Variants in SLC6A3 observed in about 807,000 individuals in gnomAD.
SLC6A3 encodes the protein sodium-dependent dopamine transporter.
Under a neutral mutation model 70.4 loss-of-function variants are expected in SLC6A3, and 19 were observed. The ratio of observed to expected loss-of-function variants is 0.27; its 90% CI spans 0.19 to 0.40. The LOEUF is 0.40. Ranked by LOEUF, SLC6A3 falls within the 10% of genes least tolerant of loss-of-function variation. The probability of loss-of-function intolerance (pLI) is 1.00; values close to 1 mark genes in which losing one functional copy is unlikely to be tolerated. For missense variants in SLC6A3, 613 were observed against 838.5 expected (o/e 0.73, Z 3.32); for synonymous variants, 368 against 356.6 (o/e 1.03, Z -0.36).
intron 10 of SLC6A3, 149 bp from the exon 11 acceptor site, chr5:1,409,274 G>T: frequency 1.4e-6 from 1 of 699,800 alleles, no homozygotes. Flanking sequence ...AGCTTCTTAG[G>T]GCCACGTGTA....
In SLC6A3 at chr5:1,437,875, C is replaced by A. The variant is rs142199704; in HGVS notation, c.418+3484G>T. ...CTTTAGCTGATGTCTTAATTTACCACGTGGCACTTCTATTCAATGAGACAT... is the reference window on the plus strand; with the variant it reads ...CTTTAGCTGATGTCTTAATTTACCAAGTGGCACTTCTATTCAATGAGACAT... On this transcript the variant is annotated intron_variant, in intron 3 of 14. Transcript: ENST00000270349. This position sits in a 1 kb window ranked among gnomAD's most constrained non-coding sequence, Gnocchi z 4.8. 0.017 allele frequency among the ~76,000 whole-genome samples: 2,591 copies of A among 152,314 alleles called. 31 individuals carry two copies. Among genetic ancestry groups the A allele is most frequent in the Non-Finnish European group, 0.026 (1,743 of 68,014 alleles).
chr5:1,440,151 G>A (rs1579727217), intron 3 of SLC6A3, among the ~76,000 whole-genome samples: 1 of 152,194 alleles, frequency 6.6e-6, no homozygotes, highest in African/African-American at 2.4e-5. Flanking sequence ...AGGTCGATAG[G>A]TGGATGGATG....
In SLC6A3 at chr5:1,404,891, A is replaced by G. The variant is rs528796486; in HGVS notation, c.1599+1297T>C. On this transcript the variant is annotated intron_variant, in intron 12 of 14. Coordinates refer to ENST00000270349, the MANE Select transcript of SLC6A3 (RefSeq NM_001044.5). The surrounding 1 kb of genome is among the most constrained non-coding windows in gnomAD (Gnocchi z 5.2). ...TAGTCTAAGATCAGTAGAACATTTT[A>G]TCTCCTAAGATCGAGGTCAGCCCTC... Among the ~76,000 whole-genome samples the G allele has an allele frequency of 6.6e-6, 1 of 152,354 alleles. No homozygotes were observed. The highest frequency in any genetic ancestry group is 2.4e-5 in the African/African-American group (1 of 41,586).
At chr5:1,444,690 C>T (rs116037986) in intron 1 of SLC6A3, among the ~76,000 whole-genome samples, 1,601 of 152,354 alleles carry the variant, frequency 0.011, 18 homozygotes, top group African/African-American at 0.035. Flanking sequence ...GGGTGCGGAG[C>T]TCGCGAGTCT....
chr5:1,441,911 C>A (rs899390308), intron 2 of SLC6A3, among the ~76,000 whole-genome samples: 1 of 152,174 alleles, frequency 6.6e-6, no homozygotes, highest in African/African-American at 2.4e-5. Flanking sequence ...GCTGAGTGGG[C>A]CCTGCCGTCC....
chr5:1,406,880 A>G lies in SLC6A3; in HGVS notation c.1499-592T>C, dbSNP rs1005746751. Among the ~76,000 whole-genome samples, 1 of 152,098 alleles carries G rather than the reference A, an allele frequency of 6.6e-6. No homozygotes were observed. The highest frequency in any genetic ancestry group is 1.5e-5 in the Non-Finnish European group (1 of 68,022). ...GTGACTCCTGTGGGAACCTCCCGTCAGTGGAGTCACGTGGCACGGGGCCTC... is the reference window on the plus strand; with the variant it reads ...GTGACTCCTGTGGGAACCTCCCGTCGGTGGAGTCACGTGGCACGGGGCCTC... On this transcript the variant is annotated intron_variant, in intron 11 of 14. Transcript: ENST00000270349. The surrounding 1 kb of genome is among the most constrained non-coding windows in gnomAD (Gnocchi z 8.8).
chr5:1,399,836 C>G (rs28363159), intron 14 of SLC6A3, among the ~76,000 whole-genome samples: 1 of 152,190 alleles, frequency 6.6e-6, no homozygotes, highest in African/African-American at 2.4e-5. Flanking sequence ...CACTGCCTCC[C>G]GGCCTGTTCC....
intron 8 of SLC6A3, among the ~76,000 whole-genome samples, chr5:1,412,993 C>G (rs1756164356): frequency 6.6e-6 from 1 of 152,216 alleles, no homozygotes; most frequent in South Asian, 2.1e-4. Flanking sequence ...TTCATCAGCT[C>G]AGGGAATGTA....
Position 1,411,435 on chromosome 5 carries a change from G to T in SLC6A3, c.1157-80C>A. The T allele has an allele frequency of 9.6e-7, 1 of 1,042,782 alleles. No individual in the cohort carries two copies. 64.6% of individuals were successfully genotyped at this position (1,042,782 alleles called of 1,614,324 possible). On this transcript the variant is annotated intron_variant, in intron 8 of 14. Coordinates refer to ENST00000270349, the MANE Select transcript of SLC6A3 (RefSeq NM_001044.5). The surrounding 1 kb of genome is among the most constrained non-coding windows in gnomAD (Gnocchi z 6.5). The stretch of plus-strand genomic sequence containing the variant: ...ATCCTGCCCCACCCCGCCCCGAGAA[G>T]CATGGCCTGCCACAGGCCTGTAGAG...
At position 1,405,348 on chromosome 5, in the gene SLC6A3, C is replaced by A. The variant is rs1464449745; in HGVS notation, c.1599+840G>T. ...CTGCTGTGTGCAGGTGACGAGGGGTCTCCACGCACGCGGGCCCTGCTGACT... is the reference window on the plus strand; with the variant it reads ...CTGCTGTGTGCAGGTGACGAGGGGTATCCACGCACGCGGGCCCTGCTGACT... On this transcript the variant is annotated intron_variant, in intron 12 of 14. Coordinates refer to ENST00000270349, the MANE Select transcript of SLC6A3 (RefSeq NM_001044.5). The surrounding 1 kb of genome is among the most constrained non-coding windows in gnomAD (Gnocchi z 5.3). 6.6e-6 allele frequency among the ~76,000 whole-genome samples: 1 copy of A among 152,238 alleles called. No homozygotes were observed. The highest frequency in any genetic ancestry group is 1.5e-5 in the Non-Finnish European group (1 of 68,042).
intron 1 of SLC6A3, among the ~76,000 whole-genome samples, chr5:1,444,348 G>T (rs1328484754): frequency 6.6e-6 from 1 of 152,012 alleles, no homozygotes; most frequent in Non-Finnish European, 1.5e-5. Context: ...TCAGTCGAGC[G>T]CACGCACACA....
At chr5:1,410,792 G>T (rs1756097186) in intron 9 of SLC6A3, among the ~76,000 whole-genome samples, 1 of 152,176 alleles carries the variant, frequency 6.6e-6, no homozygotes, top group African/African-American at 2.4e-5. Context: ...ACACGTGCAT[G>T]CATGTCTGTG....
chr5:1,418,917 C>T (rs1756371127), intron 6 of SLC6A3, among the ~76,000 whole-genome samples: 1 of 149,040 alleles, frequency 6.7e-6, no homozygotes. Context: ...CACCCATTCA[C>T]CCATCCATCA....
intron 6 of SLC6A3, chr5:1,416,557 T>TG: frequency 3.3e-6 from 1 of 302,930 alleles, no homozygotes; most frequent in South Asian, 4.3e-5. Context: ...CTAATAACCC[T>TG]CGGAACAGCA....
rs1756125334 is a variant in SLC6A3 at position 1,411,502 on chromosome 5, T to C, written c.1157-147A>G. 5.7e-6 allele frequency: 4 copies of C among 705,326 alleles called. No individual in the cohort carries two copies. Among genetic ancestry groups the C allele is most frequent in the African/African-American group, 3.5e-5 (2 of 57,078 alleles). The allele number at this position is 705,326 out of a possible 1,614,324, so 43.7% of individuals were successfully genotyped here. ...CTCTGCTGAAAAGCCCCCTTCTATA[T>C]GTCCAGCAGACCAGGCCTGGGACTC... On this transcript the variant is annotated intron_variant, in intron 8 of 14. Coordinates refer to ENST00000270349, the MANE Select transcript of SLC6A3 (RefSeq NM_001044.5). The surrounding 1 kb of genome is among the most constrained non-coding windows in gnomAD (Gnocchi z 6.5).
At chr5:1,403,527 T>C (rs1408380133) in intron 12 of SLC6A3, among the ~76,000 whole-genome samples, 1 of 141,328 alleles carries the variant, frequency 7.1e-6, no homozygotes, top group African/African-American at 2.7e-5. Context: ...CACATCCGGC[T>C]CTATCCCATC....
chr5:1,410,798 CTGTG>C (rs989295075), intron 9 of SLC6A3, among the ~76,000 whole-genome samples: 17 of 151,956 alleles, frequency 1.1e-4, no homozygotes, highest in Admixed American at 9.2e-4. Context: ...GCATGCATGT[CTGTG>C]TGTATGTGTG....
rs191963858 is a variant in SLC6A3 at position 1,430,359 on chromosome 5, T to C, written c.653+2105A>G. 3.9e-3 allele frequency among the ~76,000 whole-genome samples: 600 copies of C among 152,302 alleles called. 3 individuals carry two copies. The highest frequency in any genetic ancestry group is 0.017 in the Middle Eastern group (5 of 294). On this transcript the variant is annotated intron_variant, in intron 4 of 14. Transcript: ENST00000270349. ...CTCATGCTCTAAGAAAAACGCCGGG[T>C]GGCCCCCCAAAACCTGCCTCCGCCC... is the stretch of plus-strand genomic sequence containing the variant.
chr5:1,420,160 G>T (rs1439137834), intron 6 of SLC6A3, among the ~76,000 whole-genome samples: 1 of 152,158 alleles, frequency 6.6e-6, no homozygotes, highest in African/African-American at 2.4e-5. Flanking sequence ...ATGCCCCAAG[G>T]GAGCTGCCAT....
Sources: gnomAD v4.1 joint callset for allele counts (sites outside exome capture counted in the v4.1 genomes callset) on GRCh38, gnomAD v4.1.1 for gene constraint, Gnocchi (gnomAD v3.1) non-coding constraint, MANE v1.5 for transcripts, NCBI Gene and HGNC (gene_info 2026-07-23, HGNC 2026-07-21) for gene names.